NAV2: variants seen among roughly 807,000 people sequenced by gnomAD.
The protein encoded by NAV2 is helicase, APC down-regulated 1.
In NAV2, 54 loss-of-function variants were observed where a neutral mutation model predicts 223.2. The ratio of observed to expected loss-of-function variants is 0.24; its 90% CI spans 0.19 to 0.30. The LOEUF (loss-of-function observed/expected upper bound fraction) is 0.30. Among genes scored for constraint, NAV2 ranks in the 10% least tolerant of loss-of-function variants. The pLI is 1.00. For missense variants in NAV2, 2,806 were observed against 3,147.5 expected (o/e 0.89, Z 2.60); for synonymous variants, 1,279 against 1,239.3 (o/e 1.03, Z -0.67).
At chr11:19,384,693 T>C (rs1848967737) in intron 1 of NAV2, 1 of 152,198 alleles carries the variant, frequency 6.6e-6, no homozygotes, top group African/African-American at 2.4e-5. Flanking sequence ...CCAGTGAATA[T>C]GAGCTTCTCT....
At chr11:19,798,422 T>A (rs1398340055) in intron 1 of NAV2, among the ~76,000 whole-genome samples, 2 of 152,182 alleles carry the variant, frequency 1.3e-5, no homozygotes, top group Non-Finnish European at 2.9e-5. Context: ...TTTTCATAAA[T>A]CTAGTTTGAA....
intron 7 of NAV2, among the ~76,000 whole-genome samples, chr11:19,936,129 A>G (rs11025331): frequency 0.39 from 58,325 of 151,148 alleles, 13,887 homozygotes; most frequent in Non-Finnish European, 0.54. Context: ...TCAGCCTCCT[A>G]AAGTGCTAGG....
Position 20,101,139 on chromosome 11 carries a change from C to T in NAV2, c.6384C>T (p.Ile2128=), listed in dbSNP as rs777339341. Residue 2128 remains isoleucine (I), a synonymous_variant, in exon 32 of 38, where the codon ATC becomes ATT. Transcript: ENST00000349880. ...GACGGGAGTTGACAGACGGGGTTAT[C>T]GCCACCTTTAACGTGGACCATAAGT... is the stretch of plus-strand genomic sequence containing the variant. ...REGRELTDGV[I]ATFNVDHKSS... 10 of 1,613,936 alleles carry T rather than the reference C, an allele frequency of 6.2e-6. No individual in the cohort carries two copies. The African/African-American group carries it at 1.1e-4, about 17-fold the overall frequency.
Position 20,048,845 on chromosome 11 carries a change from C to T in NAV2, c.4020C>T (p.Ser1340=). ...ATMTQQGNLD[S]PSGSGVLSSG... ...TGACTCAGCAAGGTAACCTAGACTCCCCGTCAGGCAGTGGCGTCCTGAGCA... is the reference window on the plus strand; with the variant it reads ...TGACTCAGCAAGGTAACCTAGACTCTCCGTCAGGCAGTGGCGTCCTGAGCA... The change falls in exon 15 of 38, where the codon TCC becomes TCT. Residue 1340 remains serine (S), a synonymous_variant. Transcript: ENST00000349880. 2.5e-6 allele frequency: 4 copies of T among 1,614,162 alleles called. No individual in the cohort carries two copies. The highest frequency in any genetic ancestry group is 3.4e-6 in the Non-Finnish European group (4 of 1,180,012).
At chr11:19,894,706 G>C (rs1173438760) in intron 6 of NAV2, among the ~76,000 whole-genome samples, 1 of 152,190 alleles carries the variant, frequency 6.6e-6, no homozygotes, top group East Asian at 1.9e-4. Context: ...AGACTTTAGT[G>C]TCAGAAGAAA....
chr11:19,713,759 G>A lies in NAV2; in HGVS notation c.64G>A (p.Ala22Thr). 1 of 1,612,384 alleles carries A rather than the reference G, an allele frequency of 6.2e-7. No homozygotes were observed. The highest frequency in any genetic ancestry group is 8.5e-7 in the Non-Finnish European group (1 of 1,179,446). ...SGLPKPVHSA[A>T]PILHVPPARA... ...ACTGCCCAAACCCGTGCACAGCGCC[G>A]CGCCCATCCTGCACGTGCCCCCGGC... Residue 22 changes from alanine (A) to threonine (T), a missense_variant, in exon 1 of 38, where the codon GCG becomes ACG. Coordinates refer to ENST00000349880, the MANE Select transcript of NAV2 (RefSeq NM_145117.5). This position sits in a 1 kb window ranked among gnomAD's most constrained non-coding sequence, Gnocchi z 7.2.
At chr11:19,934,742 C>G (rs750771654) in intron 7 of NAV2, among the ~76,000 whole-genome samples, 1 of 152,174 alleles carries the variant, frequency 6.6e-6, no homozygotes, top group Non-Finnish European at 1.5e-5. Context: ...CTTGAACATC[C>G]AGATCCTCAC....
chr11:19,416,942 A>G (rs561378765), intron 1 of NAV2, among the ~76,000 whole-genome samples: 5 of 152,350 alleles, frequency 3.3e-5, no homozygotes, highest in Admixed American at 2.6e-4. Context: ...TACAAACATT[A>G]ACTCAAGGTG....
chr11:19,765,791 C>T (rs995095082), intron 1 of NAV2, among the ~76,000 whole-genome samples: 5 of 152,156 alleles, frequency 3.3e-5, no homozygotes, highest in African/African-American at 1.2e-4. Flanking sequence ...TGGCTTGCTT[C>T]CTGCCTTTGT....
chr11:19,627,224 TTA>T (rs2047197227), intron 1 of NAV2, among the ~76,000 whole-genome samples: 1 of 152,030 alleles, frequency 6.6e-6, no homozygotes, highest in Non-Finnish European at 1.5e-5. Context: ...CCCGTCTGTA[TTA>T]AAAATACAAA....
chr11:19,475,312 C>G (rs1182673325), intron 1 of NAV2, among the ~76,000 whole-genome samples: 1 of 152,204 alleles, frequency 6.6e-6, no homozygotes, highest in Non-Finnish European at 1.5e-5. Context: ...CCTTTCTTTT[C>G]AGTGAAGCCC....
At chr11:19,552,757 C>T (rs906889123) in intron 1 of NAV2, among the ~76,000 whole-genome samples, 3 of 152,170 alleles carry the variant, frequency 2.0e-5, no homozygotes, top group African/African-American at 7.2e-5. Flanking sequence ...CATTGGCCAG[C>T]GTGCTGTGAG....
chr11:19,904,308 A>G (rs1216713663), intron 6 of NAV2, among the ~76,000 whole-genome samples: 1 of 152,228 alleles, frequency 6.6e-6, no homozygotes, highest in African/African-American at 2.4e-5. Context: ...TTCAAAAGTG[A>G]AAAAGCAGAT....
chr11:19,375,365 A>G (rs1439594726), intron 1 of NAV2, among the ~76,000 whole-genome samples: 1 of 152,188 alleles, frequency 6.6e-6, no homozygotes, highest in Non-Finnish European at 1.5e-5. Flanking sequence ...AGGCCGGGAA[A>G]CAAGAGACCA....
chr11:20,096,860 A>C (rs1444858135), intron 30 of NAV2, among the ~76,000 whole-genome samples: 1 of 152,248 alleles, frequency 6.6e-6, no homozygotes, highest in Non-Finnish European at 1.5e-5. Flanking sequence ...CCAAAAACTT[A>C]TCTCTGGTGA....
chr11:19,729,373 G>T (rs1311219103), intron 1 of NAV2, among the ~76,000 whole-genome samples: 1 of 152,168 alleles, frequency 6.6e-6, no homozygotes, highest in Admixed American at 6.5e-5. Flanking sequence ...TCTTCTCCCT[G>T]CTGCCATTGG....
intron 1 of NAV2, among the ~76,000 whole-genome samples, chr11:19,553,374 G>T (rs1244910789): frequency 1.3e-5 from 2 of 152,194 alleles, no homozygotes; most frequent in Non-Finnish European, 2.9e-5. Context: ...CTGTTCCTGG[G>T]GTTCTTCCCA....
At chr11:20,108,588 G>A (rs11025387) in intron 36 of NAV2, among the ~76,000 whole-genome samples, 6,275 of 148,796 alleles carry the variant, frequency 0.042, 363 homozygotes, top group African/African-American at 0.13. Context: ...GATTACAGGC[G>A]TGTGCTACCA....
intron 1 of NAV2, among the ~76,000 whole-genome samples, chr11:19,771,192 C>A (rs1313767062): frequency 6.6e-6 from 1 of 152,112 alleles, no homozygotes; most frequent in Non-Finnish European, 1.5e-5. Flanking sequence ...TGTTCCTAAG[C>A]AACTTATAAT....
Sources: gnomAD v4.1 joint callset for allele counts (sites outside exome capture counted in the v4.1 genomes callset) on GRCh38, gnomAD v4.1.1 for gene constraint, Gnocchi (gnomAD v3.1) non-coding constraint, MANE v1.5 for transcripts, NCBI Gene and HGNC (gene_info 2026-07-23, HGNC 2026-07-21) for gene names.